Variants in NUDT11 observed in about 807,000 individuals in gnomAD.
NUDT11 encodes the protein nudix hydrolase 11.
Under a neutral mutation model 10.0 loss-of-function variants are expected in NUDT11, and 1 was observed. The observed-to-expected ratio is 0.10, with a 90% CI of 0.04 to 0.47. The LOEUF (loss-of-function observed/expected upper bound fraction) is 0.47. Ranked by LOEUF, NUDT11 falls within the 20% of genes least tolerant of loss-of-function variation. The pLI, the probability that NUDT11 is intolerant of heterozygous loss-of-function variation, is 0.96. For missense variants in NUDT11, 47 were observed against 140.4 expected, an observed-to-expected ratio of 0.33 and a Z score of 3.36; for synonymous variants, 63 against 65.9, an observed-to-expected ratio of 0.96 and a Z score of 0.21.
Position 51,490,805 on chromosome X carries a change from CA to C in NUDT11, c.*943del, listed in dbSNP as rs1925576918. ...GTGAGAGAGGCAAAAGAAATCTAGA[CA>C]AACTAAATGGCATAATTAAGTTTGG... On this transcript the variant is annotated 3_prime_UTR_variant, in exon 2 of 2. Transcript: ENST00000375992. 1 of 111,590 alleles carries C rather than the reference CA, an allele frequency of 9.0e-6. No homozygotes were observed. Among genetic ancestry groups the C allele is most frequent in the Non-Finnish European group, 1.9e-5 (1 of 53,139 alleles). The allele number at this position is 111,590 out of a possible 1,213,427, so 9.2% of individuals were successfully genotyped here.
intron 1 of NUDT11, 145 bp from the exon 2 acceptor site, chrX:51,491,894 A>G (rs1925602040): frequency 2.0e-6 from 1 of 512,049 alleles, no homozygotes; most frequent in African/African-American, 2.3e-5. Context: ...AGATGCAATC[A>G]ATGAGTCTGG....
Position 51,490,652 on chromosome X carries a change from G to A in NUDT11, c.*1097C>T, listed in dbSNP as rs1013194175. 1 of 111,768 alleles carries A rather than the reference G, an allele frequency of 8.9e-6. No homozygotes were observed. The highest frequency in any genetic ancestry group is 1.9e-5 in the Non-Finnish European group (1 of 53,181). The allele number at this position is 111,768 out of a possible 1,213,427, so 9.2% of individuals were successfully genotyped here. A position where few individuals can be genotyped will look rare whatever the true frequency, so the allele number is the denominator to read the frequency against. On this transcript the variant is annotated 3_prime_UTR_variant, in exon 2 of 2. Coordinates refer to ENST00000375992, the MANE Select transcript of NUDT11 (RefSeq NM_018159.4). ...TCTAATAGCAGCCTCTTTCCTAAAT[G>A]CCTTTTCTAAATGACAACAATTTTG...
chrX:51,495,101 T>C (rs782076258), intron 1 of NUDT11, among the ~76,000 whole-genome samples: 2 of 112,098 alleles, frequency 1.8e-5, no homozygotes, highest in Non-Finnish European at 3.8e-5. Flanking sequence ...TGATAAGATG[T>C]GTTTGGCTAG....
chrX:51,493,850 C>T (rs1557326401), intron 1 of NUDT11, among the ~76,000 whole-genome samples: 1 of 111,509 alleles, frequency 9.0e-6, no homozygotes, highest in Non-Finnish European at 1.9e-5. Context: ...TTGTCAGATA[C>T]ATAACTTAAG....
At position 51,491,394 on chromosome X, in the gene NUDT11, T is replaced by G. The variant is rs368898098; in HGVS notation, c.*355A>C. 6.9e-5 allele frequency: 13 copies of G among 189,392 alleles called. No homozygotes were observed. The East Asian group carries it at 8.0e-4, about 12-fold the overall frequency. The allele number at this position is 189,392 out of a possible 1,213,427, so 15.6% of individuals were successfully genotyped here. ...AAATATTAATTGAATCAAAGAACCT[T>G]CAGTGATGCCAACCATATTTCAAGT... On this transcript the variant is annotated 3_prime_UTR_variant, in exon 2 of 2. Transcript: ENST00000375992.
In NUDT11 at chrX:51,496,495, T is replaced by C. The variant is rs1325133666; in HGVS notation, c.-51A>G. On this transcript the variant is annotated 5_prime_UTR_variant, in exon 1 of 2. Transcript: ENST00000375992. The stretch of plus-strand genomic sequence containing the variant: ...CCTCCTCTCGCCTCTCGCTGCTGTG[T>C]GGGCCGCCGCTGCCGCTGCCGCCGC... The C allele has an allele frequency of 1.0e-5, 12 of 1,171,211 alleles. No homozygotes were observed. Among genetic ancestry groups the C allele is most frequent in the Non-Finnish European group, 1.3e-5 (11 of 874,266 alleles).
rs1925567199 is a variant in NUDT11 at position 51,490,329 on chromosome X, C to A, written c.*1420G>T. On this transcript the variant is annotated 3_prime_UTR_variant, in exon 2 of 2. Transcript: ENST00000375992. ...TATATTTTTATTTCAAATTATGTAA[C>A]AACTGGGGACACAATCAATACATTT... 1.8e-5 allele frequency: 2 copies of A among 111,859 alleles called. No individual in the cohort carries two copies. The highest frequency in any genetic ancestry group is 1.9e-4 in the Admixed American group (2 of 10,538). 9.2% of individuals were successfully genotyped at this position (111,859 alleles called of 1,213,427 possible). A position where few individuals can be genotyped will look rare whatever the true frequency, so the allele number is the denominator to read the frequency against.
Position 51,491,478 on chromosome X carries a change from C to G in NUDT11, c.*271G>C. On this transcript the variant is annotated 3_prime_UTR_variant, in exon 2 of 2. Coordinates refer to ENST00000375992, the MANE Select transcript of NUDT11 (RefSeq NM_018159.4). ...GAAAAATAGTCTTTGCTCTCAAAGA[C>G]ATCATAGTCTAATGAAGGCAGACAC... The G allele has an allele frequency of 3.3e-6, 1 of 303,367 alleles. No homozygotes were observed. Among genetic ancestry groups the G allele is most frequent in the Non-Finnish European group, 5.8e-6 (1 of 173,633 alleles). 25.0% of individuals were successfully genotyped at this position (303,367 alleles called of 1,213,427 possible).
At position 51,496,191 on chromosome X, in the gene NUDT11, T is replaced by C; in HGVS notation, c.254A>G (p.Gln85Arg). The C allele has an allele frequency of 8.3e-7, 1 of 1,211,793 alleles. No individual in the cohort carries two copies. Among genetic ancestry groups the C allele is most frequent in the Non-Finnish European group, 1.1e-6 (1 of 895,444 alleles). Residue 85 changes from glutamine to arginine, a missense_variant, in exon 1 of 2, where the codon CAG (glutamine) becomes CGG (arginine). Transcript: ENST00000375992. ...KLGRLLGVFE[Q>R]NQDRKHRTYV... is the part of the protein sequence containing the mutation. ...CGTTCTGTGCTTGCGATCCTGGTTC[T>C]GTTCGAAGACGCCCAGGAGCCGGCC...
At position 51,496,214 on chromosome X, in the gene NUDT11, G is replaced by C. The variant is rs373023072; in HGVS notation, c.231C>G (p.Gly77=). The change falls in exon 1 of 2, where the codon GGC becomes GGG. Residue 77 remains glycine (G), a synonymous_variant. Transcript: ENST00000375992. ...YEEAGVKGKL[G]RLLGVFEQNQ... is the part of the protein sequence containing the mutation. ...TCTGTTCGAAGACGCCCAGGAGCCG[G>C]CCTAACTTCCCCTTGACTCCCGCTT... 1.2e-4 allele frequency: 141 copies of C among 1,209,319 alleles called. 1 individual carries two copies. Among genetic ancestry groups the C allele is most frequent in the Non-Finnish European group, 1.5e-4 (135 of 894,993 alleles).
chrX:51,492,957 G>A (rs1925627330), intron 1 of NUDT11, among the ~76,000 whole-genome samples: 2 of 112,395 alleles, frequency 1.8e-5, no homozygotes, highest in Admixed American at 1.9e-4. Flanking sequence ...CTAACCTTCT[G>A]AAATGAAATC....
rs1602115293 is a variant in NUDT11 at position 51,490,179 on chromosome X, G to A, written c.*1570C>T. 1.8e-5 allele frequency: 2 copies of A among 111,256 alleles called. No individual in the cohort carries two copies. The highest frequency in any genetic ancestry group is 1.9e-5 in the Non-Finnish European group (1 of 53,071). The allele number at this position is 111,256 out of a possible 1,213,427, so 9.2% of individuals were successfully genotyped here. Reference sequence around the variant, plus strand: ...CCCCACACTCAGATGATTTTGAAGCGAATACCAGTAACATATCATTTCACC... The same window carrying A: ...CCCCACACTCAGATGATTTTGAAGCAAATACCAGTAACATATCATTTCACC... On this transcript the variant is annotated 3_prime_UTR_variant, in exon 2 of 2. Coordinates refer to ENST00000375992, the MANE Select transcript of NUDT11 (RefSeq NM_018159.4).
Position 51,496,412 on chromosome X carries a change from G to A in NUDT11, c.33C>T (p.Tyr11=), listed in dbSNP as rs1487105406. 6.6e-6 allele frequency: 8 copies of A among 1,205,676 alleles called. No individual in the cohort carries two copies. The African/African-American group carries it at 1.4e-4, about 21-fold the overall frequency. The part of the protein sequence containing the change: MKCKPNQTRT[Y]DPEGFKKRAA... ...CCCGCTTCTTGAACCCCTCGGGGTCGTAGGTCCGCGTCTGGTTGGGTTTGC... is the reference window on the plus strand; with the variant it reads ...CCCGCTTCTTGAACCCCTCGGGGTCATAGGTCCGCGTCTGGTTGGGTTTGC... Residue 11 remains tyrosine (Y), a synonymous_variant, in exon 1 of 2, where the codon TAC becomes TAT. Transcript: ENST00000375992.
chrX:51,491,670 C>T lies in NUDT11; in HGVS notation c.*79G>A, dbSNP rs371864801. ...TTCTTGGGAACACAGAAGTGCTCAC[C>T]TGTACTTGACAATTCCACTGATCAC... On this transcript the variant is annotated 3_prime_UTR_variant, in exon 2 of 2. Transcript: ENST00000375992. 2.3e-4 allele frequency: 129 copies of T among 565,267 alleles called. No individual in the cohort carries two copies. The highest frequency in any genetic ancestry group is 3.4e-4 in the Non-Finnish European group (106 of 307,443). 46.6% of individuals were successfully genotyped at this position (565,267 alleles called of 1,213,427 possible).
chrX:51,493,501 C>T (rs958221362), intron 1 of NUDT11, among the ~76,000 whole-genome samples: 2 of 111,543 alleles, frequency 1.8e-5, no homozygotes, highest in African/African-American at 6.5e-5. Flanking sequence ...GCCACTGTTC[C>T]GAAAACAAAT....
chrX:51,496,006 C>A lies in NUDT11; in HGVS notation c.439G>T (p.Gly147Cys). The A allele has an allele frequency of 8.3e-7, 1 of 1,207,604 alleles. No individual in the cohort carries two copies. The highest frequency in any genetic ancestry group is 1.1e-6 in the Non-Finnish European group (1 of 892,405). The change falls in exon 1 of 2, where the codon GGT (glycine) becomes TGT (cysteine). Residue 147 changes from glycine (G) to cysteine (C), a missense_variant. Coordinates refer to ENST00000375992, the MANE Select transcript of NUDT11 (RefSeq NM_018159.4). ...AEYLEKLKLG[G>C]SPTNGNSMAP... ...ATGGAGTTTCCATTGGTTGGGGAAC[C>A]GCCCAGCTTTAGTTTCTCCAGATAT...
At chrX:51,495,828 G>A in intron 1 of NUDT11, 123 bp downstream of exon 1, 1 of 1,032,523 alleles carries the variant, frequency 9.7e-7, no homozygotes, top group South Asian at 2.4e-5. Flanking sequence ...GGTCTGCCAA[G>A]GAAACAAAAG....
rs781837546 is a variant in NUDT11 at position 51,491,709 on chromosome X, A to G, written c.*40T>C. 1.4e-5 allele frequency: 8 copies of G among 569,142 alleles called. No homozygotes were observed. Among genetic ancestry groups the G allele is most frequent in the Non-Finnish European group, 2.6e-5 (8 of 309,233 alleles). 46.9% of individuals were successfully genotyped at this position (569,142 alleles called of 1,213,427 possible). Reference sequence around the variant, plus strand: ...TCCACTGATCACTGGGTTCACATCAATGTTTCTTTCAGCACAATACTGAAC... The same window carrying G: ...TCCACTGATCACTGGGTTCACATCAGTGTTTCTTTCAGCACAATACTGAAC... On this transcript the variant is annotated 3_prime_UTR_variant, in exon 2 of 2. Transcript: ENST00000375992.
At chrX:51,495,745 C>T (rs1253552700) in intron 1 of NUDT11, among the ~76,000 whole-genome samples, 8 of 111,779 alleles carry the variant, frequency 7.2e-5, no homozygotes, top group Admixed American at 1.9e-4. Flanking sequence ...ATTTTGAAAG[C>T]ATCTGAAAAA....
Sources: gnomAD v4.1 joint callset for allele counts (sites outside exome capture counted in the v4.1 genomes callset) on GRCh38, gnomAD v4.1.1 for gene constraint, MANE v1.5 for transcripts, NCBI Gene and HGNC (gene_info 2026-07-23, HGNC 2026-07-21) for gene names.